Variants in UST observed in about 807,000 individuals in gnomAD.
UST encodes the protein uronyl 2-sulfotransferase, also known as chondroitin sulfate 2-O-sulfotransferase.
UST carries 21 observed loss-of-function variants against 45.6 expected under a neutral mutation model. That is an observed-to-expected ratio of 0.46 (90% CI 0.33 to 0.66). The LOEUF (loss-of-function observed/expected upper bound fraction) is 0.66. UST is among the 30% of genes least tolerant of loss of function. UST has a pLI of 0.02. For synonymous variants in UST, 215 were observed against 200.6 expected (o/e 1.07, Z -0.61); for missense variants, 463 against 512.4 (o/e 0.90, Z 0.93).
chr6:148,916,988 A>T (rs1779602659), intron 2 of UST, among the ~76,000 whole-genome samples: 1 of 152,060 alleles, frequency 6.6e-6, no homozygotes, highest in African/African-American at 2.4e-5. Flanking sequence ...TCCAGCTCCC[A>T]TGTGCTCCTC....
chr6:148,777,201 C>T (rs1178253151), intron 1 of UST, among the ~76,000 whole-genome samples: 2 of 152,174 alleles, frequency 1.3e-5, no homozygotes, highest in African/African-American at 2.4e-5. Context: ...AAGGGAACAG[C>T]GTGCCTCATC....
chr6:149,017,799 T>TACACAC (rs10533222), intron 5 of UST, among the ~76,000 whole-genome samples: 3,841 of 148,828 alleles, frequency 0.026, 62 homozygotes, highest in Non-Finnish European at 0.038. Flanking sequence ...TATCCATATA[T>TACACAC]ACACACACAC....
intron 2 of UST, among the ~76,000 whole-genome samples, chr6:148,911,340 C>G (rs1296621959): frequency 6.6e-6 from 1 of 152,116 alleles, no homozygotes; most frequent in Non-Finnish European, 1.5e-5. Flanking sequence ...ACATTATCTG[C>G]GATTTCTGTC....
At chr6:148,920,505 C>T (rs12663239) in intron 2 of UST, among the ~76,000 whole-genome samples, 17,086 of 152,118 alleles carry the variant, frequency 0.11, 1,538 homozygotes, top group East Asian at 0.48. Context: ...AACCCTCCTG[C>T]CCACCCTCGA....
intron 1 of UST, among the ~76,000 whole-genome samples, chr6:148,862,542 C>T (rs181875445): frequency 1.3e-5 from 2 of 152,248 alleles, no homozygotes; most frequent in East Asian, 1.9e-4. Flanking sequence ...CTGTCATTAT[C>T]GTGTTAGCTG....
At chr6:148,977,337 G>A (rs149651400) in intron 5 of UST, among the ~76,000 whole-genome samples, 20 of 151,964 alleles carry the variant, frequency 1.3e-4, no homozygotes, top group African/African-American at 3.4e-4. Context: ...ATAATATAGA[G>A]TGACTATTTA....
intron 7 of UST, among the ~76,000 whole-genome samples, chr6:149,034,886 CTCTCTCT>C (rs1206264006): frequency 1.3e-5 from 1 of 79,354 alleles, no homozygotes; most frequent in African/African-American, 5.6e-5. Context: ...CTCTCTCTCT[CTCTCTCT>C]CTCCTTGGAT....
At chr6:148,969,736 C>T (rs1780876592) in intron 5 of UST, among the ~76,000 whole-genome samples, 1 of 152,186 alleles carries the variant, frequency 6.6e-6, no homozygotes. Context: ...GGGCTCAGGA[C>T]ATACTGGGTC....
intron 1 of UST, among the ~76,000 whole-genome samples, chr6:148,798,627 A>G (rs1315408484): frequency 2.0e-5 from 3 of 152,136 alleles, no homozygotes; most frequent in Non-Finnish European, 4.4e-5. Flanking sequence ...ATGAGCCTCA[A>G]AAGGACACAG....
At chr6:148,907,363 A>T (rs1395056119) in intron 2 of UST, among the ~76,000 whole-genome samples, 1 of 152,222 alleles carries the variant, frequency 6.6e-6, no homozygotes, top group Non-Finnish European at 1.5e-5. Flanking sequence ...GATACCTTAT[A>T]GAGGTGTACT....
chr6:149,054,113 A>C (rs979904100), intron 7 of UST, among the ~76,000 whole-genome samples: 4 of 152,148 alleles, frequency 2.6e-5, no homozygotes, highest in African/African-American at 9.7e-5. Context: ...TCGTGGGAAA[A>C]AAATGGAGAA....
At chr6:148,851,098 A>G (rs1778094929) in intron 1 of UST, among the ~76,000 whole-genome samples, 1 of 152,162 alleles carries the variant, frequency 6.6e-6, no homozygotes, top group Non-Finnish European at 1.5e-5. Context: ...CAGTAGGGGC[A>G]GAGGAAGGCT....
At chr6:148,879,696 C>G (rs1053190146) in intron 1 of UST, among the ~76,000 whole-genome samples, 1 of 152,220 alleles carries the variant, frequency 6.6e-6, no homozygotes, top group Non-Finnish European at 1.5e-5. Flanking sequence ...TGCTAGTGAA[C>G]AGTTACTAGG....
At chr6:148,813,825 C>CCATT (rs1335931857) in intron 1 of UST, among the ~76,000 whole-genome samples, 1 of 152,130 alleles carries the variant, frequency 6.6e-6, no homozygotes, top group East Asian at 1.9e-4. Flanking sequence ...ACTGAAAGGG[C>CCATT]CATTCTATAT....
chr6:148,969,415 T>C (rs1426996584), intron 5 of UST, among the ~76,000 whole-genome samples: 5 of 152,136 alleles, frequency 3.3e-5, no homozygotes, highest in Non-Finnish European at 1.5e-5. Context: ...CAAGATAAGG[T>C]GTATTTATAT....
intron 1 of UST, among the ~76,000 whole-genome samples, chr6:148,755,547 T>C (rs1776077892): frequency 6.6e-6 from 1 of 152,082 alleles, no homozygotes; most frequent in South Asian, 2.1e-4. Flanking sequence ...TCCCCACATG[T>C]TGTGGGAGGA....
intron 7 of UST, among the ~76,000 whole-genome samples, chr6:149,036,493 G>A (rs141770332): frequency 2.4e-4 from 36 of 152,244 alleles, no homozygotes; most frequent in African/African-American, 8.7e-4. Context: ...TTCCTTCACT[G>A]TCATTTTAGA....
At chr6:148,763,168 G>T (rs149309902) in intron 1 of UST, among the ~76,000 whole-genome samples, 3,210 of 152,188 alleles carry the variant, frequency 0.021, 107 homozygotes, top group African/African-American at 0.074. Flanking sequence ...AACATCTGTT[G>T]TTTTTTGACT....
chr6:149,040,675 T>A (rs1279224342), intron 7 of UST, among the ~76,000 whole-genome samples: 1 of 152,118 alleles, frequency 6.6e-6, no homozygotes, highest in African/African-American at 2.4e-5. Context: ...GTTAATTAAT[T>A]AAAATAAAAT....
Sources: gnomAD v4.1 joint callset for allele counts (sites outside exome capture counted in the v4.1 genomes callset) on GRCh38, gnomAD v4.1.1 for gene constraint, MANE v1.5 for transcripts, NCBI Gene and HGNC (gene_info 2026-07-23, HGNC 2026-07-21) for gene names.